Variants in KCNC2 observed in about 807,000 individuals in gnomAD.
KCNC2 encodes the protein potassium voltage-gated channel subfamily C member 2.
Under a neutral mutation model 44.5 loss-of-function variants are expected in KCNC2, and 21 were observed. The ratio of observed to expected loss-of-function variants is 0.47; its 90% CI spans 0.33 to 0.68. The LOEUF is 0.68. Ranked by LOEUF, KCNC2 falls within the 30% of genes least tolerant of loss-of-function variation. The probability of loss-of-function intolerance (pLI) is 0.01; values close to 1 mark genes in which losing one functional copy is unlikely to be tolerated. For missense variants in KCNC2, 589 were observed against 826.2 expected (o/e 0.71, Z 3.52); for synonymous variants, 391 against 339.1 (o/e 1.15, Z -1.68).
chr12:75,058,671 C>T (rs140751439), intron 2 of KCNC2, among the ~76,000 whole-genome samples: 254 of 152,152 alleles, frequency 1.7e-3, no homozygotes, highest in Admixed American at 3.3e-3. Context: ...TCTGTCTACC[C>T]TGCAGTACCA....
intron 2 of KCNC2, among the ~76,000 whole-genome samples, chr12:75,099,638 G>A (rs1886214391): frequency 6.6e-6 from 1 of 152,104 alleles, no homozygotes; most frequent in South Asian, 2.1e-4. Flanking sequence ...CATAGCTATT[G>A]AATGATCAAT....
At chr12:75,100,448 T>C (rs145547724) in intron 2 of KCNC2, among the ~76,000 whole-genome samples, 1 of 152,170 alleles carries the variant, frequency 6.6e-6, no homozygotes, top group African/African-American at 2.4e-5. Context: ...TTAAAATATC[T>C]GATTTTATTG....
chr12:75,141,904 T>C (rs925578177), intron 2 of KCNC2, among the ~76,000 whole-genome samples: 1 of 152,166 alleles, frequency 6.6e-6, no homozygotes, highest in Admixed American at 6.5e-5. Flanking sequence ...AAGCAAATTA[T>C]GTGTTATTTC....
At chr12:75,171,011 A>G (rs1238870657) in intron 2 of KCNC2, among the ~76,000 whole-genome samples, 1 of 151,344 alleles carries the variant, frequency 6.6e-6, no homozygotes, top group Non-Finnish European at 1.5e-5. Context: ...CCTAGAGGCC[A>G]CTCTTCGGTC....
At chr12:75,172,583 G>T (rs1891907810) in intron 2 of KCNC2, among the ~76,000 whole-genome samples, 1 of 151,724 alleles carries the variant, frequency 6.6e-6, no homozygotes, top group African/African-American at 2.4e-5. Flanking sequence ...ATCAGCCCAT[G>T]CATCTCTCAC....
chr12:75,073,647 G>T (rs961304570), intron 2 of KCNC2, among the ~76,000 whole-genome samples: 3 of 152,128 alleles, frequency 2.0e-5, no homozygotes, highest in African/African-American at 7.2e-5. Flanking sequence ...TAAACTATGT[G>T]CAATTAAGAT....
intron 2 of KCNC2, among the ~76,000 whole-genome samples, chr12:75,150,412 T>C (rs1449908533): frequency 2.0e-5 from 3 of 151,852 alleles, no homozygotes; most frequent in Non-Finnish European, 4.4e-5. Context: ...CAGTCTTGAT[T>C]TATTTACTTG....
At chr12:75,143,263 T>C (rs1889784651) in intron 2 of KCNC2, among the ~76,000 whole-genome samples, 1 of 152,190 alleles carries the variant, frequency 6.6e-6, no homozygotes. Context: ...CTGAGATTTA[T>C]GATCAAAGTA....
At chr12:75,184,396 A>G (rs550187308) in intron 2 of KCNC2, among the ~76,000 whole-genome samples, 2 of 152,364 alleles carry the variant, frequency 1.3e-5, no homozygotes, top group South Asian at 2.1e-4. Context: ...TGGCTAGATA[A>G]GTAAACTTAA....
chr12:75,095,020 G>T (rs1485668251), intron 2 of KCNC2, among the ~76,000 whole-genome samples: 1 of 151,778 alleles, frequency 6.6e-6, no homozygotes, highest in Non-Finnish European at 1.5e-5. Flanking sequence ...TATGAATAAG[G>T]CTTGAAGGCA....
intron 2 of KCNC2, among the ~76,000 whole-genome samples, chr12:75,128,478 G>T (rs1888595765): frequency 6.6e-6 from 1 of 152,116 alleles, no homozygotes; most frequent in South Asian, 2.1e-4. Context: ...CCTACTCAAA[G>T]AAGGGATTAA....
chr12:75,099,698 A>T (rs1048902837), intron 2 of KCNC2, among the ~76,000 whole-genome samples: 1 of 152,198 alleles, frequency 6.6e-6, no homozygotes, highest in Non-Finnish European at 1.5e-5. Flanking sequence ...GATTTCTATT[A>T]TCCTCATTTT....
At chr12:75,105,969 C>G (rs76634943) in intron 2 of KCNC2, among the ~76,000 whole-genome samples, 23,504 of 149,612 alleles carry the variant, frequency 0.16, 1,966 homozygotes, top group Middle Eastern at 0.24. Context: ...TTGAGAGAGA[C>G]AAAGTAACAA....
intron 2 of KCNC2, among the ~76,000 whole-genome samples, chr12:75,070,771 G>A (rs984881328): frequency 6.6e-6 from 1 of 151,666 alleles, no homozygotes; most frequent in African/African-American, 2.4e-5. Flanking sequence ...TTTATAAATT[G>A]TAAATATTTA....
intron 2 of KCNC2, among the ~76,000 whole-genome samples, chr12:75,059,292 A>G (rs992710828): frequency 6.6e-6 from 1 of 152,150 alleles, no homozygotes; most frequent in East Asian, 1.9e-4. Flanking sequence ...AGGGACTCCT[A>G]GTAGCCATGA....
At chr12:75,169,882 C>T (rs923719169) in intron 2 of KCNC2, among the ~76,000 whole-genome samples, 4 of 151,610 alleles carry the variant, frequency 2.6e-5, no homozygotes, top group Non-Finnish European at 5.9e-5. Flanking sequence ...TCATTAACTG[C>T]TGTTGAAATC....
At position 75,107,746 on chromosome 12, in the gene KCNC2, C is replaced by T. The variant is rs1051190171; in HGVS notation, c.688-56429G>A. 2.7e-4 allele frequency among the ~76,000 whole-genome samples: 41 copies of T among 152,124 alleles called. 1 individual carries two copies. Among genetic ancestry groups the T allele is most frequent in the Admixed American group, 1.0e-3 (16 of 15,268 alleles). On this transcript the variant is annotated intron_variant, in intron 2 of 4. Coordinates refer to ENST00000549446, the MANE Select transcript of KCNC2 (RefSeq NM_139137.4). ...TCAATGTTTGAGTAAACTCTAAGAG[C>T]AAACAGAGAAAATTAATTCCTAAGT...
chr12:75,057,197 T>A (rs536399843), intron 2 of KCNC2, among the ~76,000 whole-genome samples: 1 of 152,164 alleles, frequency 6.6e-6, no homozygotes, highest in East Asian at 1.9e-4. Flanking sequence ...TGGAAGTTTT[T>A]AATTTTTCTT....
intron 2 of KCNC2, among the ~76,000 whole-genome samples, chr12:75,124,583 A>G (rs1888267743): frequency 6.6e-6 from 1 of 152,182 alleles, no homozygotes; most frequent in South Asian, 2.1e-4. Flanking sequence ...GATGTTTTAT[A>G]TACATTAAAG....
Sources: gnomAD v4.1 joint callset for allele counts (sites outside exome capture counted in the v4.1 genomes callset) on GRCh38, gnomAD v4.1.1 for gene constraint, MANE v1.5 for transcripts, NCBI Gene and HGNC (gene_info 2026-07-23, HGNC 2026-07-21) for gene names.